The following CHLSN variants were observed in gnomAD, a reference collection of about 807,000 sequenced individuals.
The protein encoded by CHLSN is protein cholesin.
chr7:1,097,413 GAA>G, the CHLSN span, among the ~76,000 whole-genome samples: 2 of 152,210 alleles, frequency 1.3e-5, no homozygotes, highest in Non-Finnish European at 2.9e-5. The surrounding 1 kb of genome is among the most constrained non-coding windows in gnomAD (Gnocchi z 4.3). Flanking sequence ...AGATGAGTAA[GAA>G]GAGACAATCG....
At chr7:978,921 G>A in the CHLSN span, among the ~76,000 whole-genome samples, 2 of 152,372 alleles carry the variant, frequency 1.3e-5, no homozygotes, top group South Asian at 2.1e-4. Context: ...GATGGCACAC[G>A]TGGCTGGCAG....
the CHLSN span, among the ~76,000 whole-genome samples, chr7:1,094,380 AC>A: frequency 1.3e-5 from 2 of 151,892 alleles, no homozygotes; most frequent in Non-Finnish European, 2.9e-5. Context: ...CACCTGTACT[AC>A]CCCCTCACTT....
At chr7:1,134,101 A>AAT in the CHLSN span, among the ~76,000 whole-genome samples, 7 of 151,608 alleles carry the variant, frequency 4.6e-5, no homozygotes, top group South Asian at 4.2e-4. Flanking sequence ...CTGGCCCCAA[A>AAT]ATATATATAT....
the CHLSN span, among the ~76,000 whole-genome samples, chr7:995,003 G>A: frequency 1.3e-5 from 2 of 152,338 alleles, no homozygotes; most frequent in Admixed American, 6.5e-5. Context: ...AGGGACAGAC[G>A]TGAGGGACGG....
chr7:1,099,114 CTGT>C, the CHLSN span, among the ~76,000 whole-genome samples: 1 of 138,584 alleles, frequency 7.2e-6, no homozygotes, highest in Admixed American at 7.2e-5. Context: ...CGGAGCCTCG[CTGT>C]CGCGTTCCTG....
At chr7:998,444 A>G in the CHLSN span, among the ~76,000 whole-genome samples, 1 of 150,078 alleles carries the variant, frequency 6.7e-6, no homozygotes, top group Non-Finnish European at 1.5e-5. Context: ...TATGCAGTGC[A>G]AAGTCTTAGA....
chr7:992,195 C>A, the CHLSN span, among the ~76,000 whole-genome samples: 1 of 152,234 alleles, frequency 6.6e-6, no homozygotes, highest in South Asian at 2.1e-4. Context: ...TGTACCCCCC[C>A]GCCTCTAGGT....
the CHLSN span, among the ~76,000 whole-genome samples, chr7:1,007,849 G>A: frequency 1.3e-5 from 2 of 152,172 alleles, no homozygotes; most frequent in African/African-American, 2.4e-5. Context: ...AGGCACTCAG[G>A]ACCTTCCCGT....
the CHLSN span, among the ~76,000 whole-genome samples, chr7:1,122,754 G>A: frequency 1.3e-5 from 2 of 152,164 alleles, no homozygotes; most frequent in African/African-American, 4.8e-5. Context: ...CTAAACCCCA[G>A]CTCCCCGGGG....
the CHLSN span, among the ~76,000 whole-genome samples, chr7:1,019,339 C>A: frequency 2.6e-5 from 4 of 151,930 alleles, no homozygotes; most frequent in Non-Finnish European, 4.4e-5. Flanking sequence ...GCTGACAGGT[C>A]CGTGTTGTTC....
At chr7:983,513 A>G in the CHLSN span, 19 of 922,276 alleles carry the variant, frequency 2.1e-5, no homozygotes, top group Non-Finnish European at 2.8e-5. Context: ...CGGGGCACGC[A>G]GGAGGCCGGA....
At chr7:1,127,298 C>A in the CHLSN span, 1 of 1,611,654 alleles carries the variant, frequency 6.2e-7, no homozygotes, top group Non-Finnish European at 8.5e-7. Context: ...GCCTCAGGGC[C>A]CAGCAGTGGC....
the CHLSN span, among the ~76,000 whole-genome samples, chr7:981,671 G>A: frequency 3.9e-5 from 6 of 151,986 alleles, no homozygotes; most frequent in East Asian, 3.9e-4. Flanking sequence ...CCGAGATCAC[G>A]CCATTGTAGT....
At chr7:1,033,439 T>C in the CHLSN span, among the ~76,000 whole-genome samples, 269 of 151,948 alleles carry the variant, frequency 1.8e-3, 1 homozygote, top group African/African-American at 6.3e-3. Context: ...ATGCCTGTAA[T>C]CCCAGCTGCT....
chr7:1,102,872 C>G, the CHLSN span, among the ~76,000 whole-genome samples: 1 of 152,280 alleles, frequency 6.6e-6, no homozygotes, highest in South Asian at 2.1e-4. Context: ...AGGACAGCAG[C>G]TCTTCCTTGC....
the CHLSN span, chr7:1,093,364 C>A: frequency 2.3e-6 from 1 of 429,754 alleles, no homozygotes; most frequent in Non-Finnish European, 4.9e-6. Context: ...ACGGTCTGAG[C>A]TAGCTAGCGC....
At chr7:1,110,151 C>T in the CHLSN span, among the ~76,000 whole-genome samples, 1 of 152,194 alleles carries the variant, frequency 6.6e-6, no homozygotes, top group Non-Finnish European at 1.5e-5. Flanking sequence ...GGGCTCAGTC[C>T]GTGGAAGAGC....
chr7:1,093,831 T>G, the CHLSN span: 6 of 335,002 alleles, frequency 1.8e-5, no homozygotes, highest in Non-Finnish European at 3.1e-5. Flanking sequence ...GGCTCTGTCT[T>G]GGGGGTCTGC....
the CHLSN span, among the ~76,000 whole-genome samples, chr7:1,020,033 T>C: frequency 6.6e-6 from 1 of 152,142 alleles, no homozygotes; most frequent in African/African-American, 2.4e-5. Context: ...AGGCGGCAGG[T>C]GGCCGGCCCG....
Sources: gnomAD v4.1 joint callset for allele counts (sites outside exome capture counted in the v4.1 genomes callset) on GRCh38, gnomAD v4.1.1 for gene constraint, Gnocchi (gnomAD v3.1) non-coding constraint, MANE v1.5 for transcripts, NCBI Gene and HGNC (gene_info 2026-07-23, HGNC 2026-07-21) for gene names.